The following VAT1L variants were observed in gnomAD, a reference collection of about 807,000 sequenced individuals.
VAT1L encodes putative NADPH-dependent quinone oxidoreductase VAT1L.
Under a neutral mutation model 44.1 loss-of-function variants are expected in VAT1L, and 34 were observed. The observed-to-expected ratio is 0.77, with a 90% CI of 0.59 to 1.03. The LOEUF is 1.03. VAT1L is among the 50% of genes least tolerant of loss of function. The probability of loss-of-function intolerance (pLI) is 0.00; values close to 1 mark genes in which losing one functional copy is unlikely to be tolerated. For synonymous variants in VAT1L, 253 were observed against 202.2 expected (o/e 1.25, Z -2.13); for missense variants, 615 against 538.8 (o/e 1.14, Z -1.40).
chr16:77,922,514 C>G (rs973867146), intron 7 of VAT1L, among the ~76,000 whole-genome samples: 6 of 152,136 alleles, frequency 3.9e-5, no homozygotes, highest in Non-Finnish European at 8.8e-5. Flanking sequence ...AATGAAAAGA[C>G]AGGCAGCTGT....
At chr16:77,974,905 A>G (rs1223186179) in intron 8 of VAT1L, among the ~76,000 whole-genome samples, 1 of 152,088 alleles carries the variant, frequency 6.6e-6, no homozygotes, top group Non-Finnish European at 1.5e-5. Flanking sequence ...CTAAAGAAAC[A>G]AAAAGACAGT....
In VAT1L at chr16:77,884,896, T is replaced by C. The variant is rs181037136; in HGVS notation, c.1077+94T>C. On this transcript the variant is annotated intron_variant, in intron 7 of 8. Coordinates refer to ENST00000302536, the MANE Select transcript of VAT1L (RefSeq NM_020927.3). This position sits in a 1 kb window ranked among gnomAD's most constrained non-coding sequence, Gnocchi z 4.5. Reference sequence around the variant, plus strand: ...TACAATCTTCTACTAAATGATTTTTTTCCCAGATGGGTTTGTTTTAAATGA... The same window carrying C: ...TACAATCTTCTACTAAATGATTTTTCTCCCAGATGGGTTTGTTTTAAATGA... The C allele has an allele frequency of 7.4e-4, 1,001 of 1,356,962 alleles. 2 individuals carry two copies. The highest frequency in any genetic ancestry group is 8.5e-4 in the Non-Finnish European group (882 of 1,032,444). 84.1% of individuals were successfully genotyped at this position (1,356,962 alleles called of 1,614,324 possible). A position where few individuals can be genotyped will look rare whatever the true frequency, so the allele number is the denominator to read the frequency against.
chr16:77,790,897 T>C (rs774067224), intron 1 of VAT1L, among the ~76,000 whole-genome samples: 19 of 152,118 alleles, frequency 1.2e-4, no homozygotes, highest in Non-Finnish European at 1.8e-4. Flanking sequence ...GGCCAAGAGA[T>C]TGATTTTCAA....
chr16:77,879,660 A>T lies in VAT1L; in HGVS notation c.882+436A>T, dbSNP rs1213067771. 6.6e-6 allele frequency among the ~76,000 whole-genome samples: 1 copy of T among 151,928 alleles called. No homozygotes were observed. The highest frequency in any genetic ancestry group is 1.5e-5 in the Non-Finnish European group (1 of 67,998). ...CTCGTTCATTTCCCATAAAACCTGC[A>T]CTCCTGCCCTATTCCCTGCAAATGG... On this transcript the variant is annotated intron_variant, in intron 6 of 8. Coordinates refer to ENST00000302536, the MANE Select transcript of VAT1L (RefSeq NM_020927.3). This position sits in a 1 kb window ranked among gnomAD's most constrained non-coding sequence, Gnocchi z 4.1.
At chr16:77,915,719 G>A (rs1270712227) in intron 7 of VAT1L, among the ~76,000 whole-genome samples, 1 of 152,232 alleles carries the variant, frequency 6.6e-6, no homozygotes, top group Non-Finnish European at 1.5e-5. Flanking sequence ...AACCAATGGA[G>A]AACTAATGGC....
chr16:77,810,446 T>C (rs2016244872), intron 1 of VAT1L, among the ~76,000 whole-genome samples: 1 of 152,112 alleles, frequency 6.6e-6, no homozygotes, highest in Admixed American at 6.6e-5. Flanking sequence ...TAATGGAGTA[T>C]AAGGATTTAA....
chr16:77,826,548 C>T (rs941632183), intron 3 of VAT1L, among the ~76,000 whole-genome samples: 3 of 152,096 alleles, frequency 2.0e-5, no homozygotes, highest in African/African-American at 7.2e-5. Flanking sequence ...TCTGCCAAGG[C>T]GGAGAATGGT....
intron 3 of VAT1L, among the ~76,000 whole-genome samples, chr16:77,838,163 A>T (rs1190253231): frequency 6.6e-6 from 1 of 152,200 alleles, no homozygotes; most frequent in African/African-American, 2.4e-5. Context: ...GGCCCCTTGG[A>T]TACATGCTGA....
At chr16:77,808,709 C>A (rs1241437729) in intron 1 of VAT1L, among the ~76,000 whole-genome samples, 1 of 152,140 alleles carries the variant, frequency 6.6e-6, no homozygotes, top group Non-Finnish European at 1.5e-5. Context: ...AATTCTCCTG[C>A]CTCAGCCTCC....
intron 7 of VAT1L, among the ~76,000 whole-genome samples, chr16:77,927,015 T>C (rs967494188): frequency 2.0e-5 from 3 of 152,138 alleles, no homozygotes; most frequent in Non-Finnish European, 4.4e-5. Flanking sequence ...ATAACAGTCA[T>C]AGGCTATTTC....
At chr16:77,805,845 A>AT (rs2016146650) in intron 1 of VAT1L, among the ~76,000 whole-genome samples, 1 of 74,586 alleles carries the variant, frequency 1.3e-5, no homozygotes, top group Non-Finnish European at 3.5e-5. Context: ...TTTTTGTGTT[A>AT]TTTTTTCCTT....
At chr16:77,940,077 T>C (rs2017860081) in intron 7 of VAT1L, among the ~76,000 whole-genome samples, 1 of 152,182 alleles carries the variant, frequency 6.6e-6, no homozygotes, top group South Asian at 2.1e-4. Context: ...TCCAGATGCC[T>C]AAGACTATGG....
chr16:77,908,335 G>T (rs976998835), intron 7 of VAT1L, among the ~76,000 whole-genome samples: 1 of 151,614 alleles, frequency 6.6e-6, no homozygotes. Context: ...GGTGGTGAGT[G>T]CCTGTAATCC....
intron 7 of VAT1L, among the ~76,000 whole-genome samples, chr16:77,941,057 A>G (rs1351923621): frequency 6.6e-6 from 1 of 152,222 alleles, no homozygotes; most frequent in African/African-American, 2.4e-5. Context: ...TATTATGTTC[A>G]GCTGTCTATG....
intron 7 of VAT1L, among the ~76,000 whole-genome samples, chr16:77,950,886 G>A (rs2018034147): frequency 6.6e-6 from 1 of 152,132 alleles, no homozygotes; most frequent in Non-Finnish European, 1.5e-5. Context: ...AATGGATGAA[G>A]GGAAATGTCT....
At chr16:77,941,717 C>T (rs2017886363) in intron 7 of VAT1L, among the ~76,000 whole-genome samples, 1 of 152,096 alleles carries the variant, frequency 6.6e-6, no homozygotes, top group Non-Finnish European at 1.5e-5. Flanking sequence ...TCATGAGTAG[C>T]TGGGATTACA....
chr16:77,790,898 T>C (rs146019988), intron 1 of VAT1L, among the ~76,000 whole-genome samples: 1 of 152,294 alleles, frequency 6.6e-6, no homozygotes, highest in African/African-American at 2.4e-5. Context: ...GCCAAGAGAT[T>C]GATTTTCAAA....
chr16:77,820,965 T>G (rs529643572), intron 2 of VAT1L, among the ~76,000 whole-genome samples: 30 of 152,232 alleles, frequency 2.0e-4, no homozygotes, highest in African/African-American at 7.0e-4. Flanking sequence ...CAGACACTGG[T>G]TTTCCCCTTT....
chr16:77,908,095 C>G (rs867903828), intron 7 of VAT1L, among the ~76,000 whole-genome samples: 2 of 151,910 alleles, frequency 1.3e-5, no homozygotes, highest in Admixed American at 6.6e-5. Flanking sequence ...AAAAATCAGC[C>G]GGGTGTGGTG....
Sources: allele counts gnomAD v4.1 joint callset (sites outside exome capture counted in the v4.1 genomes callset), GRCh38; gene constraint gnomAD v4.1.1; non-coding constraint Gnocchi (gnomAD v3.1); transcripts MANE v1.5; gene names NCBI Gene and HGNC (gene_info 2026-07-23, HGNC 2026-07-21).